The following EPHB1 variants were observed in gnomAD, a reference collection of about 807,000 sequenced individuals.
The protein encoded by EPHB1 is EPH receptor B1, also known as ephrin type-B receptor 1.
A neutral mutation model predicts 94.4 loss-of-function variants in EPHB1; 30 were observed. The observed-to-expected ratio is 0.32, with a 90% CI of 0.24 to 0.43. The LOEUF is 0.43. Ranked by LOEUF, EPHB1 falls within the 20% of genes least tolerant of loss-of-function variation. EPHB1 has a pLI of 1.00. For synonymous variants in EPHB1, 522 were observed against 489.1 expected (o/e 1.07, Z -0.89); for missense variants, 1,055 against 1,308.3 (o/e 0.81, Z 2.99).
chr3:135,162,665 G>A (rs1313279357), intron 7 of EPHB1, among the ~76,000 whole-genome samples: 2 of 152,166 alleles, frequency 1.3e-5, no homozygotes, highest in Non-Finnish European at 2.9e-5. Context: ...CTTCACATGT[G>A]ACCCCCAGTA....
At chr3:134,837,845 G>A (rs943496783) in intron 1 of EPHB1, among the ~76,000 whole-genome samples, 1 of 152,128 alleles carries the variant, frequency 6.6e-6, no homozygotes, top group Non-Finnish European at 1.5e-5. Flanking sequence ...AGAATGAGTG[G>A]CCTCATTCAT....
At chr3:134,923,662 C>A (rs1038792346) in intron 1 of EPHB1, among the ~76,000 whole-genome samples, 9 of 152,170 alleles carry the variant, frequency 5.9e-5, no homozygotes, top group Non-Finnish European at 7.3e-5. Context: ...CATAGGAAGA[C>A]CCTTTCTTCC....
chr3:135,251,822 A>G (rs982002140), intron 15 of EPHB1, among the ~76,000 whole-genome samples: 4 of 152,162 alleles, frequency 2.6e-5, no homozygotes, highest in Admixed American at 6.5e-5. Context: ...GCAGTGTACA[A>G]AGCAATCAGC....
intron 12 of EPHB1, among the ~76,000 whole-genome samples, chr3:135,238,827 G>T (rs925013193): frequency 4.6e-5 from 7 of 152,082 alleles, no homozygotes; most frequent in Non-Finnish European, 8.8e-5. Context: ...GAAAACCAAA[G>T]CCCCTCTTTT....
At chr3:134,959,509 T>A (rs1274420130) in intron 3 of EPHB1, among the ~76,000 whole-genome samples, 1 of 152,192 alleles carries the variant, frequency 6.6e-6, no homozygotes, top group Non-Finnish European at 1.5e-5. Context: ...TGACCCTCTC[T>A]CTTGTGTTTT....
chr3:134,907,006 G>C (rs549779543), intron 1 of EPHB1, among the ~76,000 whole-genome samples: 1 of 152,268 alleles, frequency 6.6e-6, no homozygotes, highest in South Asian at 2.1e-4. Flanking sequence ...CTAGACAAGT[G>C]CTATTTATAA....
In EPHB1 at chr3:134,795,531, C is replaced by A. The variant is rs115074018; in HGVS notation, c.-101C>A. ...TCCGGGCGAGAGCGCGAAAGGATACCGAGAAGCCACCCGCGGAGAGCGCAG... is the reference window on the plus strand; with the variant it reads ...TCCGGGCGAGAGCGCGAAAGGATACAGAGAAGCCACCCGCGGAGAGCGCAG... On this transcript the variant is annotated 5_prime_UTR_variant, in exon 1 of 16. Coordinates refer to ENST00000398015, the MANE Select transcript of EPHB1 (RefSeq NM_004441.5). 957 of 1,178,792 alleles carry A rather than the reference C, an allele frequency of 8.1e-4. 7 individuals carry two copies. The African/African-American group carries it at 0.014, about 18-fold the overall frequency. 73.0% of individuals were successfully genotyped at this position (1,178,792 alleles called of 1,614,324 possible).
At chr3:134,964,496 C>A (rs1194099419) in intron 3 of EPHB1, among the ~76,000 whole-genome samples, 1 of 152,248 alleles carries the variant, frequency 6.6e-6, no homozygotes, top group Non-Finnish European at 1.5e-5. Flanking sequence ...CTGCTCTTTG[C>A]ACAAGATGGA....
At chr3:134,982,825 A>T (rs1053893157) in intron 3 of EPHB1, among the ~76,000 whole-genome samples, 19 of 152,186 alleles carry the variant, frequency 1.2e-4, no homozygotes, top group Non-Finnish European at 2.6e-4. Flanking sequence ...ATTAAAAAAA[A>T]AAAACTGTGA....
At position 135,019,312 on chromosome 3, in the gene EPHB1, G is replaced by A. The variant is rs185724941; in HGVS notation, c.805+67260G>A. On this transcript the variant is annotated intron_variant, in intron 3 of 15. Transcript: ENST00000398015. ...ATCTGGGGTCCCTTAGGCTGGTCAA[G>A]CAGGGTGGGGCTTTAAAACGGCTTC... Among the ~76,000 whole-genome samples, 4 of 152,254 alleles carry A rather than the reference G, an allele frequency of 2.6e-5. No homozygotes were observed. The East Asian group carries it at 7.7e-4, about 29-fold the overall frequency.
At chr3:135,030,012 G>A (rs1342915786) in intron 3 of EPHB1, among the ~76,000 whole-genome samples, 14 of 150,838 alleles carry the variant, frequency 9.3e-5, no homozygotes, top group African/African-American at 3.4e-4. Flanking sequence ...CCAGTTGATT[G>A]CATCGGCTCC....
At chr3:135,223,763 T>A (rs999373472) in intron 12 of EPHB1, among the ~76,000 whole-genome samples, 3 of 152,208 alleles carry the variant, frequency 2.0e-5, no homozygotes, top group African/African-American at 4.8e-5. Context: ...AGAGGATTTT[T>A]AAAAACTTTA....
At chr3:134,925,727 C>G in intron 1 of EPHB1, 89 bp from the exon 2 acceptor site, 1 of 1,131,228 alleles carries the variant, frequency 8.8e-7, no homozygotes, top group Non-Finnish European at 1.2e-6. Context: ...TTTACTATCA[C>G]AAACAACTTC....
intron 15 of EPHB1, among the ~76,000 whole-genome samples, chr3:135,257,604 A>G (rs999302950): frequency 6.6e-6 from 1 of 151,758 alleles, no homozygotes; most frequent in Admixed American, 6.6e-5. Flanking sequence ...TGCTGGGAGA[A>G]CCACTGCTCT....
chr3:135,171,171 A>G (rs979842504), intron 9 of EPHB1, among the ~76,000 whole-genome samples: 15 of 151,678 alleles, frequency 9.9e-5, no homozygotes, highest in Admixed American at 5.3e-4. Flanking sequence ...TTTCATTAAG[A>G]AAAAAAAATA....
intron 1 of EPHB1, among the ~76,000 whole-genome samples, chr3:134,836,964 TTTAGA>T (rs1392338674): frequency 6.6e-6 from 1 of 152,226 alleles, no homozygotes; most frequent in Non-Finnish European, 1.5e-5. Flanking sequence ...TTCTGATAAG[TTTAGA>T]TAAGTGACTT....
intron 1 of EPHB1, among the ~76,000 whole-genome samples, chr3:134,838,678 T>C (rs1292060706): frequency 6.6e-6 from 1 of 151,988 alleles, no homozygotes; most frequent in Non-Finnish European, 1.5e-5. Context: ...CAATCACGTG[T>C]AGCCTTTATT....
At chr3:135,135,470 T>A (rs1025498109) in intron 5 of EPHB1, among the ~76,000 whole-genome samples, 2 of 152,160 alleles carry the variant, frequency 1.3e-5, no homozygotes, top group Non-Finnish European at 2.9e-5. Context: ...AAGCTATGCA[T>A]TTTACCAGAG....
At chr3:134,903,532 C>T (rs982822866) in intron 1 of EPHB1, among the ~76,000 whole-genome samples, 3 of 152,282 alleles carry the variant, frequency 2.0e-5, no homozygotes, top group Non-Finnish European at 4.4e-5. Flanking sequence ...TGCTTGGGAT[C>T]GCTGCTGCCC....
Sources: allele counts gnomAD v4.1 joint callset (sites outside exome capture counted in the v4.1 genomes callset), GRCh38; gene constraint gnomAD v4.1.1; transcripts MANE v1.5; gene names NCBI Gene and HGNC (gene_info 2026-07-23, HGNC 2026-07-21).